The following MEI4 variants were observed in gnomAD, a reference collection of about 807,000 sequenced individuals.
MEI4 encodes the protein meiosis-specific protein MEI4.
Under a neutral mutation model 31.4 loss-of-function variants are expected in MEI4, and 27 were observed. That is an observed-to-expected ratio of 0.86 (90% CI 0.63 to 1.19). The LOEUF is 1.19. MEI4 is among the 50% of genes most tolerant of loss of function. The probability of loss-of-function intolerance (pLI) is 0.00; values close to 1 mark genes in which losing one functional copy is unlikely to be tolerated. For missense variants in MEI4, 329 were observed against 398.9 expected (o/e 0.82, Z 1.49); for synonymous variants, 122 against 145.4 (o/e 0.84, Z 1.16).
chr6:77,760,155 A>G (rs1768008717), intron 2 of MEI4, among the ~76,000 whole-genome samples: 1 of 152,098 alleles, frequency 6.6e-6, no homozygotes, highest in Non-Finnish European at 1.5e-5. Context: ...TTATAGACAT[A>G]GTTTCATGGA....
At chr6:77,651,183 G>A (rs1387121890), upstream of MEI4, among the ~76,000 whole-genome samples, 1 of 152,168 alleles carries the variant, frequency 6.6e-6, no homozygotes, top group African/African-American at 2.4e-5. Context: ...TTTAAGGAGG[G>A]ATAAGAAACA....
At chr6:77,721,888 G>A (rs1372806364) in intron 2 of MEI4, among the ~76,000 whole-genome samples, 3 of 118,012 alleles carry the variant, frequency 2.5e-5, no homozygotes, top group East Asian at 2.9e-4. Flanking sequence ...TTTATCTTTC[G>A]TTTCTGCAGC....
chr6:77,812,246 ATAAT>A, intron 3 of MEI4, among the ~76,000 whole-genome samples: 1 of 152,286 alleles, frequency 6.6e-6, no homozygotes, highest in Non-Finnish European at 1.5e-5. Flanking sequence ...ACTCATATGA[ATAAT>A]TATTTTTTCC....
chr6:77,878,920 G>A (rs1454599015), intron 4 of MEI4, among the ~76,000 whole-genome samples: 3 of 152,040 alleles, frequency 2.0e-5, no homozygotes, highest in East Asian at 1.9e-4. Context: ...GACAGTTACC[G>A]AAGGTGGAAA....
chr6:77,696,079 G>T (rs1037116793), intron 2 of MEI4, among the ~76,000 whole-genome samples: 4 of 152,142 alleles, frequency 2.6e-5, no homozygotes, highest in African/African-American at 9.7e-5. Context: ...TGTTCTTGGT[G>T]TATAAGAATG....
intron 2 of MEI4, among the ~76,000 whole-genome samples, chr6:77,695,029 T>A (rs528314623): frequency 6.6e-6 from 1 of 152,294 alleles, no homozygotes; most frequent in East Asian, 1.9e-4. Flanking sequence ...ATGAGCATTT[T>A]TTCATATGTC....
At chr6:77,783,180 A>C (rs573171247) in intron 3 of MEI4, among the ~76,000 whole-genome samples, 4 of 152,254 alleles carry the variant, frequency 2.6e-5, no homozygotes, top group African/African-American at 7.2e-5. Context: ...GGCAATCACA[A>C]ATCCAATGAC....
chr6:77,745,325 C>A (rs1414568576), intron 2 of MEI4, among the ~76,000 whole-genome samples: 1 of 152,094 alleles, frequency 6.6e-6, no homozygotes, highest in African/African-American at 2.4e-5. Context: ...CAATCCTAGT[C>A]TCTGATAAAA....
intron 3 of MEI4, among the ~76,000 whole-genome samples, chr6:77,767,152 C>G (rs1245808438): frequency 1.3e-5 from 2 of 152,008 alleles, no homozygotes; most frequent in African/African-American, 4.8e-5. Context: ...GAGGCCTAGG[C>G]AGGTGGATCA....
chr6:77,866,824 A>G (rs528901865), intron 4 of MEI4, among the ~76,000 whole-genome samples: 2 of 152,246 alleles, frequency 1.3e-5, no homozygotes, highest in African/African-American at 2.4e-5. Context: ...TCAAACTTAT[A>G]CTACAAGGTT....
At chr6:77,780,241 G>A (rs997873516) in intron 3 of MEI4, among the ~76,000 whole-genome samples, 3 of 152,184 alleles carry the variant, frequency 2.0e-5, no homozygotes, top group Non-Finnish European at 4.4e-5. Flanking sequence ...ATAGCTTAGA[G>A]TAGGTACAAA....
chr6:77,855,917 A>G (rs909862278), intron 4 of MEI4, among the ~76,000 whole-genome samples: 6 of 152,182 alleles, frequency 3.9e-5, no homozygotes, highest in Non-Finnish European at 8.8e-5. Context: ...GAGTTTAATC[A>G]TTCCACATTG....
At chr6:77,757,490 G>A (rs1401727313) in intron 2 of MEI4, among the ~76,000 whole-genome samples, 1 of 152,194 alleles carries the variant, frequency 6.6e-6, no homozygotes, top group Non-Finnish European at 1.5e-5. Context: ...ATTGGTAGAG[G>A]TACTCTTTCA....
chr6:77,714,470 T>G (rs1312001752), intron 2 of MEI4, among the ~76,000 whole-genome samples: 1 of 152,204 alleles, frequency 6.6e-6, no homozygotes, highest in Non-Finnish European at 1.5e-5. Context: ...AAAACAACAT[T>G]TCCACAAATT....
intron 1 of MEI4, among the ~76,000 whole-genome samples, chr6:77,661,274 C>T (rs921326084): frequency 2.0e-5 from 3 of 152,038 alleles, no homozygotes; most frequent in African/African-American, 7.2e-5. Flanking sequence ...CCACTGAATA[C>T]CAAGAGCCTG....
intron 3 of MEI4, among the ~76,000 whole-genome samples, chr6:77,803,370 G>A (rs1267719263): frequency 6.6e-6 from 1 of 151,912 alleles, no homozygotes; most frequent in Non-Finnish European, 1.5e-5. Flanking sequence ...GGTAGTCATT[G>A]GTCTAATTTT....
intron 2 of MEI4, among the ~76,000 whole-genome samples, chr6:77,694,241 C>T (rs1204203347): frequency 6.6e-6 from 1 of 151,338 alleles, no homozygotes. Context: ...GTTTCTTTTT[C>T]TTTTTATTAT....
intron 4 of MEI4, among the ~76,000 whole-genome samples, chr6:77,875,501 G>GTT (rs1771312775): frequency 6.6e-6 from 1 of 152,146 alleles, no homozygotes; most frequent in Non-Finnish European, 1.5e-5. Flanking sequence ...ACCCTTCAAA[G>GTT]CATGTTTTAA....
At chr6:77,748,080 A>G (rs796391888) in intron 2 of MEI4, among the ~76,000 whole-genome samples, 9 of 152,298 alleles carry the variant, frequency 5.9e-5, no homozygotes, top group African/African-American at 2.2e-4. Flanking sequence ...GGTAGCATTC[A>G]GTGCCCATGG....
Sources: allele counts gnomAD v4.1 joint callset (sites outside exome capture counted in the v4.1 genomes callset), GRCh38; gene constraint gnomAD v4.1.1; transcripts MANE v1.5; gene names NCBI Gene and HGNC (gene_info 2026-07-23, HGNC 2026-07-21).